The following GRAMD1B variants were observed in gnomAD, a reference collection of about 807,000 sequenced individuals.
GRAMD1B encodes the protein protein Aster-B.
Under a neutral mutation model 99.7 loss-of-function variants are expected in GRAMD1B, and 37 were observed. The observed-to-expected ratio is 0.37, with a 90% CI of 0.29 to 0.49. GRAMD1B has a LOEUF of 0.49. GRAMD1B is among the 20% of genes least tolerant of loss of function. The probability of loss-of-function intolerance (pLI) is 0.98; values close to 1 mark genes in which losing one functional copy is unlikely to be tolerated. For missense variants in GRAMD1B, 888 were observed against 1,009.2 expected, an observed-to-expected ratio of 0.88 and a Z score of 1.63; for synonymous variants, 427 against 387.6, an observed-to-expected ratio of 1.10 and a Z score of -1.19.
chr11:123,551,324 C>T (rs1334885716), intron 2 of GRAMD1B, among the ~76,000 whole-genome samples: 1 of 152,206 alleles, frequency 6.6e-6, no homozygotes, highest in African/African-American at 2.4e-5. Flanking sequence ...AGCTATTACT[C>T]CAGGCAGCTG....
intron 9 of GRAMD1B, among the ~76,000 whole-genome samples, chr11:123,604,904 A>G (rs1952494390): frequency 6.6e-6 from 1 of 152,192 alleles, no homozygotes; most frequent in African/African-American, 2.4e-5. Context: ...CCACTTAAGG[A>G]GCGCTCATGT....
chr11:123,441,050 C>T (rs544992757), intron 1 of GRAMD1B, among the ~76,000 whole-genome samples: 1 of 152,276 alleles, frequency 6.6e-6, no homozygotes, highest in African/African-American at 2.4e-5. Flanking sequence ...TCCCCAGCCA[C>T]GTGGAACTGT....
chr11:123,451,915 C>T (rs1211871310), intron 1 of GRAMD1B, among the ~76,000 whole-genome samples: 1 of 152,118 alleles, frequency 6.6e-6, no homozygotes, highest in Non-Finnish European at 1.5e-5. Context: ...CTCACTGCAG[C>T]CTCTAAATCC....
At position 123,608,507 on chromosome 11, in the gene GRAMD1B, C is replaced by G. The variant is rs959998630; in HGVS notation, c.1514-152C>G. 2.6e-6 allele frequency: 4 copies of G among 1,537,912 alleles called. No individual in the cohort carries two copies. The East Asian group carries it at 7.3e-5, about 28-fold the overall frequency. On this transcript the variant is annotated intron_variant, in intron 11 of 19. Transcript: ENST00000635736. ...CGAAAGCAAAGTCATAAACCATGCC[C>G]ACGAGCTCAGCTGTCCTGCTCCGTG...
At chr11:123,540,068 T>A (rs1288066476) in intron 2 of GRAMD1B, among the ~76,000 whole-genome samples, 1 of 151,872 alleles carries the variant, frequency 6.6e-6, no homozygotes, top group African/African-American at 2.4e-5. Flanking sequence ...TCAATTTTTC[T>A]ATCTTCCTTT....
chr11:123,423,021 T>A (rs1948508118), intron 1 of GRAMD1B, among the ~76,000 whole-genome samples: 2 of 152,160 alleles, frequency 1.3e-5, no homozygotes, highest in Admixed American at 1.3e-4. Flanking sequence ...TAGGAAGCAA[T>A]AATCATTTTT....
At position 123,441,549 on chromosome 11, in the gene GRAMD1B, A is replaced by G. The variant is rs1290955402; in HGVS notation, c.374+10383A>G. ...GTAATCCCAGAATTTTGGGAGGCCA[A>G]GTCAGGAATATTGCTTAGGCCCAGG... On this transcript the variant is annotated intron_variant, in intron 1 of 19. Coordinates refer to ENST00000635736, the MANE Select transcript of GRAMD1B (RefSeq NM_001387025.1). Among the ~76,000 whole-genome samples, 3 of 152,136 alleles carry G rather than the reference A, an allele frequency of 2.0e-5. No individual in the cohort carries two copies. The East Asian group carries it at 5.8e-4, about 29-fold the overall frequency.
chr11:123,426,225 T>C (rs563137771), upstream of GRAMD1B, among the ~76,000 whole-genome samples: 21 of 152,202 alleles, frequency 1.4e-4, no homozygotes, highest in Admixed American at 6.5e-4. Context: ...AGAGATCATC[T>C]CTTTCCTGCC....
chr11:123,604,875 A>T (rs868290008), intron 9 of GRAMD1B, among the ~76,000 whole-genome samples: 23 of 152,320 alleles, frequency 1.5e-4, no homozygotes, highest in Middle Eastern at 3.4e-3. Flanking sequence ...TCTAGTTATC[A>T]TCAAGAATTT....
chr11:123,538,806 T>G (rs927800709), intron 2 of GRAMD1B, among the ~76,000 whole-genome samples: 3 of 151,882 alleles, frequency 2.0e-5, no homozygotes, highest in African/African-American at 7.3e-5. Context: ...TTATTTTTAG[T>G]AGAGACAGGG....
rs145364675 is a variant in GRAMD1B at position 123,556,384 on chromosome 11, A to G, written c.453-20983A>G. On this transcript the variant is annotated intron_variant, in intron 2 of 19. Coordinates refer to ENST00000635736, the MANE Select transcript of GRAMD1B (RefSeq NM_001387025.1). ...TTTTCAACATCTCCCATGCATGTCA[A>G]CAAAGATTATCAAACACAGGAAGTG... 4.1e-3 allele frequency among the ~76,000 whole-genome samples: 631 copies of G among 152,348 alleles called. 10 individuals carry two copies. The highest frequency in any genetic ancestry group is 0.032 in the Admixed American group (497 of 15,300).
At position 123,612,847 on chromosome 11, in the gene GRAMD1B, A is replaced by G. The variant is rs1953775416; in HGVS notation, c.2006A>G (p.Asp669Gly). ...IEKNFWSGLE[D>G]YFRHLESELA... ...AAGAACTTCTGGAGTGGGCTGGAGG[A>G]CTACTTCCGCCATTTAGGTGAGCAC... The change falls in exon 15 of 20, where the codon GAC becomes GGC. Residue 669 changes from aspartate to glycine, a missense_variant. Physicochemically the swap from Asp to Gly is moderately conservative, Grantham distance 94. Coordinates refer to ENST00000635736, the MANE Select transcript of GRAMD1B (RefSeq NM_001387025.1). 2 of 1,602,336 alleles carry G rather than the reference A, an allele frequency of 1.2e-6. No individual in the cohort carries two copies. The highest frequency in any genetic ancestry group is 1.7e-6 in the Non-Finnish European group (2 of 1,169,924).
In GRAMD1B at chr11:123,589,614, T is replaced by TTATATATATATATATA. The variant is rs71060517; in HGVS notation, c.685-4460_685-4445dup. Among the ~76,000 whole-genome samples the TTATATATATATATATA allele has an allele frequency of 8.0e-4, 103 of 128,244 alleles. 2 individuals carry two copies. Among genetic ancestry groups the TTATATATATATATATA allele is most frequent in the African/African-American group, 2.4e-3 (69 of 28,524 alleles). 84.1% of individuals were successfully genotyped at this position (128,244 alleles called of 152,430 possible). Reference sequence around the variant, plus strand: ...ACCTGCCACCATGTGTGGCTAATTTTTATATATATATATATATATATATTT... The same window carrying TTATATATATATATATA: ...ACCTGCCACCATGTGTGGCTAATTTTTATATATATATATATATATATATATATATATATATATATTT... On this transcript the variant is annotated intron_variant, in intron 4 of 19. Coordinates refer to ENST00000635736, the MANE Select transcript of GRAMD1B (RefSeq NM_001387025.1).
intron 17 of GRAMD1B, among the ~76,000 whole-genome samples, chr11:123,618,112 G>A: frequency 6.6e-6 from 1 of 152,154 alleles, no homozygotes; most frequent in Non-Finnish European, 1.5e-5. Flanking sequence ...GGGTTGGTAG[G>A]GGGAGTCTTT....
At chr11:123,528,411 A>G (rs1050543704) in intron 2 of GRAMD1B, among the ~76,000 whole-genome samples, 3 of 152,220 alleles carry the variant, frequency 2.0e-5, no homozygotes, top group African/African-American at 4.8e-5. Flanking sequence ...GTAAATACTG[A>G]TAAGAACAAT....
In GRAMD1B at chr11:123,551,564, G is replaced by C. The variant is rs146834727; in HGVS notation, c.453-25803G>C. 2.9e-3 allele frequency among the ~76,000 whole-genome samples: 445 copies of C among 152,266 alleles called. 5 individuals carry two copies. The highest frequency in any genetic ancestry group is 0.011 in the Admixed American group (169 of 15,298). ...TAGGGGCAGACCATGTCCAAAACTT[G>C]GTGGCTTGCGGTGGTGGAAAGAACA... On this transcript the variant is annotated intron_variant, in intron 2 of 19. Transcript: ENST00000635736.
At chr11:123,390,560 C>T (rs1027356568) in intron 1 of GRAMD1B, among the ~76,000 whole-genome samples, 1 of 152,206 alleles carries the variant, frequency 6.6e-6, no homozygotes, top group Non-Finnish European at 1.5e-5. Context: ...CATTTTTTTA[C>T]ATGGGTCAAA....
At chr11:123,398,773 C>T (rs773104820) in intron 1 of GRAMD1B, among the ~76,000 whole-genome samples, 1 of 151,992 alleles carries the variant, frequency 6.6e-6, no homozygotes, top group Non-Finnish European at 1.5e-5. Context: ...GTGCGGTATG[C>T]TTGACATACA....
intron 17 of GRAMD1B, among the ~76,000 whole-genome samples, chr11:123,615,531 A>T (rs1266297455): frequency 6.6e-6 from 1 of 152,188 alleles, no homozygotes; most frequent in African/African-American, 2.4e-5. Flanking sequence ...CTAAAACTAC[A>T]AATATTAGCC....
Sources: allele counts gnomAD v4.1 joint callset (sites outside exome capture counted in the v4.1 genomes callset), GRCh38; gene constraint gnomAD v4.1.1; transcripts MANE v1.5; gene names NCBI Gene and HGNC (gene_info 2026-07-23, HGNC 2026-07-21).